MBOAT2: variants seen among roughly 807,000 people sequenced by gnomAD.
MBOAT2 encodes the protein membrane bound glycerophospholipid O-acyltransferase 2.
A neutral mutation model predicts 63.4 loss-of-function variants in MBOAT2; 28 were observed. The observed-to-expected ratio is 0.44, with a 90% CI of 0.33 to 0.61. The LOEUF (loss-of-function observed/expected upper bound fraction) is 0.61, where lower values mean the gene tolerates loss of function less well. Among genes scored for constraint, MBOAT2 ranks in the 20% least tolerant of loss-of-function variants. The pLI is 0.03. For synonymous variants in MBOAT2, 211 were observed against 215.6 expected, an observed-to-expected ratio of 0.98 and a Z score of 0.19; for missense variants, 470 against 605.8, an observed-to-expected ratio of 0.78 and a Z score of 2.35.
chr2:8,942,274 C>T (rs1464560647), intron 3 of MBOAT2, among the ~76,000 whole-genome samples: 4 of 152,208 alleles, frequency 2.6e-5, no homozygotes, highest in African/African-American at 9.7e-5. Context: ...AGCCACAGGT[C>T]TGATTCTTTA....
In MBOAT2 at chr2:8,985,480, C is replaced by T. The variant is rs555577143; in HGVS notation, c.75+18060G>A. 7.2e-5 allele frequency among the ~76,000 whole-genome samples: 11 copies of T among 152,294 alleles called. No individual in the cohort carries two copies. The South Asian group carries it at 2.3e-3, about 32-fold the overall frequency. On this transcript the variant is annotated intron_variant, in intron 1 of 12. Coordinates refer to ENST00000305997, the MANE Select transcript of MBOAT2 (RefSeq NM_138799.4). Reference sequence around the variant, plus strand: ...TACATGTTTATACCTCAAAGTCTAACAAACATCTGAAACTTAACACAGCCC... The same window carrying T: ...TACATGTTTATACCTCAAAGTCTAATAAACATCTGAAACTTAACACAGCCC...
At chr2:8,929,632 C>T (rs1353042481) in intron 3 of MBOAT2, among the ~76,000 whole-genome samples, 3 of 152,236 alleles carry the variant, frequency 2.0e-5, no homozygotes, top group African/African-American at 4.8e-5. Context: ...GGATTACAGG[C>T]GTGAGCCACC....
chr2:8,910,954 G>C (rs1193770276), intron 3 of MBOAT2, among the ~76,000 whole-genome samples: 1 of 152,214 alleles, frequency 6.6e-6, no homozygotes, highest in African/African-American at 2.4e-5. Context: ...GTGGAGTCAA[G>C]AGCTCAGAGG....
At chr2:8,873,754 T>C (rs1662514171) in intron 7 of MBOAT2, among the ~76,000 whole-genome samples, 1 of 152,208 alleles carries the variant, frequency 6.6e-6, no homozygotes, top group Non-Finnish European at 1.5e-5. Flanking sequence ...AATCTATGCA[T>C]CTCTGTAAAT....
intron 3 of MBOAT2, among the ~76,000 whole-genome samples, chr2:8,920,864 AT>A (rs947308702): frequency 1.3e-5 from 2 of 152,188 alleles, no homozygotes; most frequent in Admixed American, 1.3e-4. Context: ...CACTGGTCTT[AT>A]AAACTGCAAC....
At chr2:8,885,142 T>C (rs1663453065) in intron 5 of MBOAT2, among the ~76,000 whole-genome samples, 1 of 152,214 alleles carries the variant, frequency 6.6e-6, no homozygotes, top group Non-Finnish European at 1.5e-5. Context: ...TTCCACTGTT[T>C]AGTACTTATG....
At chr2:8,990,054 T>C (rs1404110465) in intron 1 of MBOAT2, among the ~76,000 whole-genome samples, 1 of 152,238 alleles carries the variant, frequency 6.6e-6, no homozygotes, top group Non-Finnish European at 1.5e-5. Context: ...AATCTAAATG[T>C]ATGAAACACG....
In MBOAT2 at chr2:8,862,531, A is replaced by C; in HGVS notation, c.1185+59T>G. 6.4e-7 allele frequency: 1 copy of C among 1,559,552 alleles called. No individual in the cohort carries two copies. The highest frequency in any genetic ancestry group is 8.7e-7 in the Non-Finnish European group (1 of 1,149,734). On this transcript the variant is annotated intron_variant, in intron 11 of 12. Coordinates refer to ENST00000305997, the MANE Select transcript of MBOAT2 (RefSeq NM_138799.4). This position sits in a 1 kb window ranked among gnomAD's most constrained non-coding sequence, Gnocchi z 4.3. The stretch of plus-strand genomic sequence containing the variant: ...TCTACCTTGTAAGAGAGATGTACTC[A>C]GCCTTTTTAACAGTTCAAGTGGACC...
chr2:8,994,267 TATC>T (rs1266615795), intron 1 of MBOAT2, among the ~76,000 whole-genome samples: 1 of 152,110 alleles, frequency 6.6e-6, no homozygotes, highest in Non-Finnish European at 1.5e-5. Flanking sequence ...CTCCAGGTGT[TATC>T]AGAGTAGAAT....
At chr2:8,994,603 C>T (rs1672142973) in intron 1 of MBOAT2, among the ~76,000 whole-genome samples, 1 of 152,206 alleles carries the variant, frequency 6.6e-6, no homozygotes, top group South Asian at 2.1e-4. Context: ...ATAAATGCTG[C>T]ATGGGATGCG....
intron 4 of MBOAT2, among the ~76,000 whole-genome samples, chr2:8,900,832 G>T (rs1664867760): frequency 6.6e-6 from 1 of 152,156 alleles, no homozygotes; most frequent in African/African-American, 2.4e-5. Context: ...GGATAGTATT[G>T]TAATTTGTAC....
At chr2:8,971,142 G>A (rs1325624596) in intron 1 of MBOAT2, among the ~76,000 whole-genome samples, 1 of 152,192 alleles carries the variant, frequency 6.6e-6, no homozygotes, top group South Asian at 2.1e-4. Flanking sequence ...ACCGAATCCA[G>A]CAGCACACCA....
chr2:8,883,265 T>C (rs1368042068), intron 5 of MBOAT2, among the ~76,000 whole-genome samples: 3 of 152,090 alleles, frequency 2.0e-5, no homozygotes, highest in South Asian at 2.1e-4. Context: ...GTGAAATAAA[T>C]AGACAAAACT....
intron 3 of MBOAT2, among the ~76,000 whole-genome samples, chr2:8,924,613 T>C (rs1383144033): frequency 6.6e-6 from 1 of 152,092 alleles, no homozygotes; most frequent in African/African-American, 2.4e-5. Flanking sequence ...ATAATGACAC[T>C]GATACATGAA....
Position 8,990,779 on chromosome 2 carries a change from C to A in MBOAT2, c.75+12761G>T, listed in dbSNP as rs947625996. On this transcript the variant is annotated intron_variant, in intron 1 of 12. Transcript: ENST00000305997. ...GACAGCTGAGGCTCAATGTTTGATG[C>A]CAAGTTTACCAAAATTTTCCTTTAC... Among the ~76,000 whole-genome samples, 3 of 152,084 alleles carry A rather than the reference C, an allele frequency of 2.0e-5. 1 individual carries two copies. The South Asian group carries it at 6.2e-4, about 31-fold the overall frequency.
chr2:8,938,105 ATT>A (rs1186960451), intron 3 of MBOAT2, among the ~76,000 whole-genome samples: 1 of 152,104 alleles, frequency 6.6e-6, no homozygotes, highest in African/African-American at 2.4e-5. Flanking sequence ...CAGATCATAC[ATT>A]TTTTTATAGG....
chr2:8,927,167 G>A (rs1666990112), intron 3 of MBOAT2, among the ~76,000 whole-genome samples: 1 of 152,138 alleles, frequency 6.6e-6, no homozygotes, highest in South Asian at 2.1e-4. Flanking sequence ...ACACGGGGCA[G>A]GAACATTCTC....
At chr2:8,997,263 G>A (rs1031955358) in intron 1 of MBOAT2, among the ~76,000 whole-genome samples, 5 of 152,220 alleles carry the variant, frequency 3.3e-5, no homozygotes, top group African/African-American at 1.2e-4. Flanking sequence ...AAAGCTGAGT[G>A]TGAGTTGTTT....
chr2:8,858,933 A>C (rs377117346), intron 12 of MBOAT2, 29 bp from the exon 13 acceptor site: 5 of 1,501,594 alleles, frequency 3.3e-6, no homozygotes, highest in Non-Finnish European at 4.6e-6. Context: ...AAGTTTATTA[A>C]AACTTGATAA....
Sources: gnomAD v4.1 joint callset for allele counts (sites outside exome capture counted in the v4.1 genomes callset) on GRCh38, gnomAD v4.1.1 for gene constraint, Gnocchi (gnomAD v3.1) non-coding constraint, MANE v1.5 for transcripts, NCBI Gene and HGNC (gene_info 2026-07-23, HGNC 2026-07-21) for gene names.